PIGG: variants seen among roughly 807,000 people sequenced by gnomAD.
PIGG encodes the protein phosphatidylinositol glycan anchor biosynthesis class G (EMM blood group).
A neutral mutation model predicts 83.2 loss-of-function variants in PIGG; 70 were observed. The ratio of observed to expected loss-of-function variants is 0.84; its 90% CI spans 0.69 to 1.03. PIGG has a LOEUF of 1.03. PIGG is among the 50% of genes least tolerant of loss of function. The pLI is 0.00. For missense variants in PIGG, 1,257 were observed against 1,233.6 expected, an observed-to-expected ratio of 1.02 and a Z score of -0.28; for synonymous variants, 532 against 519.5, an observed-to-expected ratio of 1.02 and a Z score of -0.33.
In PIGG at chr4:523,645, G is replaced by A; in HGVS notation, c.1801G>A (p.Asp601Asn). ...QETYRNYFLGDDGEPPCGLCV... is the reference protein window; with the variant it reads ...QETYRNYFLGNDGEPPCGLCV... Reference sequence around the variant, plus strand: ...AACCTACAGAAACTACTTTCTGGGAGATGACGGTGAGCCTCCGTGTGGCCT... The same window carrying A: ...AACCTACAGAAACTACTTTCTGGGAAATGACGGTGAGCCTCCGTGTGGCCT... Residue 601 changes from aspartate to asparagine, a missense_variant, in exon 9 of 13, where the codon GAT becomes AAT. By Grantham distance (23) the Asp-to-Asn change is conservative (BLOSUM62 1). Transcript: ENST00000453061. 6.2e-7 allele frequency: 1 copy of A among 1,614,222 alleles called. No homozygotes were observed. The highest frequency in any genetic ancestry group is 8.5e-7 in the Non-Finnish European group (1 of 1,180,036).
intron 11 of PIGG, 172 bp from the exon 12 acceptor site, chr4:533,646 G>A (rs1209017578): frequency 1.1e-5 from 7 of 631,116 alleles, no homozygotes; most frequent in South Asian, 1.8e-5. Flanking sequence ...AGGCCAGCTC[G>A]GCAGTCTGAA....
At chr4:510,473 T>A (rs1385327594) in intron 5 of PIGG, among the ~76,000 whole-genome samples, 2 of 152,216 alleles carry the variant, frequency 1.3e-5, no homozygotes, top group East Asian at 1.9e-4. Context: ...ATCATGAACA[T>A]GTCACAGTGC....
Position 521,660 on chromosome 4 carries a change from G to T in PIGG, c.1333G>T (p.Val445Phe). ...GGATGCTGCTGTTTCTCTGTTCCAG[G>T]TTCTCACCCTGCTCCTGCTCAGCGT... ...MMVGTVVVLEVLTLLLLSVPQ... is the reference protein window; with the variant it reads ...MMVGTVVVLEFLTLLLLSVPQ... Residue 445 changes from valine (V) to phenylalanine (F), a missense_variant and splice_region_variant, in exon 8 of 13, where the codon GTT becomes TTT. Physicochemically the swap from Val to Phe is conservative, Grantham distance 50. Transcript: ENST00000453061. 9 of 1,613,412 alleles carry T rather than the reference G, an allele frequency of 5.6e-6. No individual in the cohort carries two copies. Among genetic ancestry groups the T allele is most frequent in the Non-Finnish European group, 7.6e-6 (9 of 1,179,406 alleles).
chr4:512,730 A>G (rs553699396), intron 5 of PIGG, among the ~76,000 whole-genome samples: 192 of 151,980 alleles, frequency 1.3e-3, no homozygotes, highest in African/African-American at 2.4e-3. Context: ...CAGGAGAATC[A>G]CTTGAACCCG....
chr4:536,301 G>A (rs1165314294), intron 12 of PIGG: 1 of 152,336 alleles, frequency 6.6e-6, no homozygotes, highest in Non-Finnish European at 1.5e-5. Flanking sequence ...TCCCTGGCCA[G>A]ACTGCAAGCT....
chr4:506,324 T>C (rs563666476), intron 3 of PIGG, among the ~76,000 whole-genome samples: 152 of 152,346 alleles, frequency 1.0e-3, no homozygotes, highest in African/African-American at 3.6e-3. Context: ...TTGGTTCTGC[T>C]GCAAGCGGAG....
Position 499,424 on chromosome 4 carries a change from C to A in PIGG, c.89C>A (p.Ala30Asp). Residue 30 changes from alanine to aspartate, a missense_variant, in exon 1 of 13, where the codon GCT becomes GAT. By Grantham distance (126) the Ala-to-Asp change is moderately radical. Transcript: ENST00000453061. ...GTCTTCCTTCGGGGATTCTTCCCGG[C>A]TCCCGTTCGTTCCTCTGCCAGAGCG... ...IAVFLRGFFP[A>D]PVRSSARAEH... is the part of the protein sequence containing the mutation. 6.2e-7 allele frequency: 1 copy of A among 1,607,786 alleles called. No homozygotes were observed.
In PIGG at chr4:512,598, C is replaced by CCT. The variant is rs1722448528; in HGVS notation, c.902-3375_902-3374insCT. 2.0e-5 allele frequency among the ~76,000 whole-genome samples: 3 copies of CCT among 151,886 alleles called. No individual in the cohort carries two copies. The South Asian group carries it at 6.2e-4, about 32-fold the overall frequency. On this transcript the variant is annotated intron_variant, in intron 5 of 12. Coordinates refer to ENST00000453061, the MANE Select transcript of PIGG (RefSeq NM_001127178.3). The stretch of plus-strand genomic sequence containing the variant: ...TTGGGAGGCCAAGGCGGGTGGATCA[C>CCT]AAGGGCAGAAGTTCGAGACCAGCCT...
At chr4:510,795 GA>G (rs1721633519) in intron 5 of PIGG, among the ~76,000 whole-genome samples, 1 of 152,082 alleles carries the variant, frequency 6.6e-6, no homozygotes, top group South Asian at 2.1e-4. Context: ...ACCTCAGAAA[GA>G]AACCCCATAC....
chr4:504,978 T>C (rs1719081727), intron 2 of PIGG, among the ~76,000 whole-genome samples: 1 of 152,214 alleles, frequency 6.6e-6, no homozygotes, highest in African/African-American at 2.4e-5. Context: ...ACTGCTTTCA[T>C]CCTGGTTTTC....
chr4:501,470 A>C, intron 2 of PIGG: 2 of 274,546 alleles, frequency 7.3e-6, no homozygotes, highest in Non-Finnish European at 1.4e-5. Context: ...AGAGGGGTTG[A>C]AGTGTGTGAG....
At chr4:509,063 C>T in intron 5 of PIGG, 93 bp downstream of exon 5, 1 of 1,105,144 alleles carries the variant, frequency 9.0e-7, no homozygotes, top group Non-Finnish European at 1.3e-6. Context: ...TTTAGAAGCT[C>T]CATAAGGTTG....
intron 12 of PIGG, among the ~76,000 whole-genome samples, chr4:537,823 G>A (rs1435504928): frequency 6.6e-6 from 1 of 152,230 alleles, no homozygotes; most frequent in African/African-American, 2.4e-5. Context: ...AGGTGAGGCT[G>A]TGGAGGGGCC....
intron 5 of PIGG, among the ~76,000 whole-genome samples, chr4:514,270 T>C (rs1723145429): frequency 6.6e-6 from 1 of 152,232 alleles, no homozygotes; most frequent in Non-Finnish European, 1.5e-5. Context: ...TTGATACCCT[T>C]ATCACATTTA....
intron 5 of PIGG, among the ~76,000 whole-genome samples, chr4:509,796 T>C (rs1366934918): frequency 6.6e-6 from 1 of 152,242 alleles, no homozygotes; most frequent in Non-Finnish European, 1.5e-5. Context: ...CGGTCTCATC[T>C]GCCTCTGTGG....
rs1723588651 is a variant in PIGG at position 515,650 on chromosome 4, A to G, written c.902-323A>G. Among the ~76,000 whole-genome samples the G allele has an allele frequency of 6.6e-6, 1 of 152,248 alleles. No homozygotes were observed. The highest frequency in any genetic ancestry group is 2.1e-4 in the South Asian group (1 of 4,832). On this transcript the variant is annotated intron_variant, in intron 5 of 12. Coordinates refer to ENST00000453061, the MANE Select transcript of PIGG (RefSeq NM_001127178.3). This position sits in a 1 kb window ranked among gnomAD's most constrained non-coding sequence, Gnocchi z 4.2. Reference sequence around the variant, plus strand: ...TGGCTGTTGACCTTGCCAAAGTGACAGTCCCTCCGTGTCTGCGGGACCACC... The same window carrying G: ...TGGCTGTTGACCTTGCCAAAGTGACGGTCCCTCCGTGTCTGCGGGACCACC...
At chr4:526,063 G>A (rs1359767998) in intron 9 of PIGG, among the ~76,000 whole-genome samples, 6 of 152,178 alleles carry the variant, frequency 3.9e-5, no homozygotes, top group Non-Finnish European at 7.3e-5. Flanking sequence ...CGCATTATCC[G>A]CGGTTTTCCT....
At chr4:510,201 G>A (rs911764021) in intron 5 of PIGG, among the ~76,000 whole-genome samples, 3 of 152,150 alleles carry the variant, frequency 2.0e-5, no homozygotes, top group South Asian at 2.1e-4. Context: ...ATTTATTAAC[G>A]GCAAACCAGT....
chr4:530,452 CG>C lies in PIGG; in HGVS notation c.2279del (p.Arg760LeufsTer33). The C allele has an allele frequency of 6.2e-7, 1 of 1,611,686 alleles. No homozygotes were observed. The highest frequency in any genetic ancestry group is 8.5e-7 in the Non-Finnish European group (1 of 1,178,090). On this transcript the variant is annotated frameshift_variant, in exon 11 of 13. Coordinates refer to ENST00000453061, the MANE Select transcript of PIGG (RefSeq NM_001127178.3). LOFTEE classifies it high-confidence loss of function. ...KDISKGIIEA[R>X]FVYVFVLGIL... ...CTTTTTTAGGGGTATTATTGAAGCT[CG>C]TTTTGTTTATGTCTTTGTCCTTGGC...
Sources: allele counts gnomAD v4.1 joint callset (sites outside exome capture counted in the v4.1 genomes callset), GRCh38; gene constraint gnomAD v4.1.1; non-coding constraint Gnocchi (gnomAD v3.1); transcripts MANE v1.5; gene names NCBI Gene and HGNC (gene_info 2026-07-23, HGNC 2026-07-21).